NFE2L1: variants seen among roughly 807,000 people sequenced by gnomAD.
NFE2L1 encodes the protein endoplasmic reticulum membrane sensor NFE2L1.
A neutral mutation model predicts 61.6 loss-of-function variants in NFE2L1; 18 were observed. That is an observed-to-expected ratio of 0.29 (90% CI 0.20 to 0.43). NFE2L1 has a LOEUF of 0.43. Ranked by LOEUF, NFE2L1 falls within the 20% of genes least tolerant of loss-of-function variation. NFE2L1 has a pLI of 1.00. For synonymous variants in NFE2L1, 419 were observed against 402.7 expected (o/e 1.04, Z -0.48); for missense variants, 827 against 973.5 (o/e 0.85, Z 2.00).
Position 48,058,449 on chromosome 17 carries a change from T to C in NFE2L1, c.1127T>C (p.Leu376Ser). 1 of 1,614,136 alleles carries C rather than the reference T, an allele frequency of 6.2e-7. No homozygotes were observed. Among genetic ancestry groups the C allele is most frequent in the Non-Finnish European group, 8.5e-7 (1 of 1,180,006 alleles). ...CTGGGGGGCTGCAGCCAGGACTTCT[T>C]ACTCTTCAGCCCCGAGGTGGAAAGC... ...ASLGGCSQDFLLFSPEVESLP... is the reference protein window; with the variant it reads ...ASLGGCSQDFSLFSPEVESLP... The change falls in exon 6 of 6, where the codon TTA becomes TCA. Residue 376 changes from leucine to serine, a missense_variant. Transcript: ENST00000362042.
intron 5 of NFE2L1, among the ~76,000 whole-genome samples, chr17:48,057,937 G>A (rs761107698): frequency 3.9e-5 from 6 of 152,194 alleles, no homozygotes; most frequent in African/African-American, 9.7e-5. Context: ...TGTGCCCATC[G>A]TCACACAGCA....
At chr17:48,056,927 G>GGAA in intron 3 of NFE2L1, 105 bp from the exon 4 acceptor site, 1 of 1,156,194 alleles carries the variant, frequency 8.6e-7, no homozygotes, top group Non-Finnish European at 1.3e-6. Context: ...CATTAGCCTG[G>GGAA]GAATGGGAGG....
At chr17:48,053,446 C>T (rs2037306659) in intron 2 of NFE2L1, among the ~76,000 whole-genome samples, 2 of 152,168 alleles carry the variant, frequency 1.3e-5, no homozygotes, top group South Asian at 2.1e-4. Context: ...TACCCAGGTC[C>T]AGAGCATGTG....
intron 2 of NFE2L1, among the ~76,000 whole-genome samples, 169 bp downstream of exon 2, chr17:48,051,797 G>C (rs1460511464): frequency 6.6e-6 from 1 of 152,122 alleles, no homozygotes; most frequent in Non-Finnish European, 1.5e-5. Context: ...TTAGGATTGG[G>C]GGCTGGGAGC....
At chr17:48,054,512 A>T in intron 2 of NFE2L1, 2 of 878,958 alleles carry the variant, frequency 2.3e-6, no homozygotes, top group East Asian at 4.7e-5. Context: ...AGGTAACGAC[A>T]GTGGGAGGGG....
In NFE2L1 at chr17:48,048,407, C is replaced by G. The variant is rs2037146208; in HGVS notation, c.-568C>G. 6.6e-6 allele frequency: 1 copy of G among 152,480 alleles called. No individual in the cohort carries two copies. The highest frequency in any genetic ancestry group is 2.1e-4 in the South Asian group (1 of 4,876). The allele number at this position is 152,480 out of a possible 1,614,324, so 9.4% of individuals were successfully genotyped here. ...CCGGCCGGCGGTGGCGGCGGCGAGGCCGGGACTCGGGCTTAGGGCCTGCTG... is the reference window on the plus strand; with the variant it reads ...CCGGCCGGCGGTGGCGGCGGCGAGGGCGGGACTCGGGCTTAGGGCCTGCTG... On this transcript the variant is annotated 5_prime_UTR_variant, in exon 1 of 6. Coordinates refer to ENST00000362042, the MANE Select transcript of NFE2L1 (RefSeq NM_003204.3).
intron 5 of NFE2L1, 133 bp from the exon 6 acceptor site, chr17:48,058,162 A>G: frequency 7.7e-7 from 1 of 1,293,092 alleles, no homozygotes; most frequent in Non-Finnish European, 1.0e-6. Context: ...AGGAGCTGAC[A>G]CTGTGGGCTT....
In NFE2L1 at chr17:48,049,589, C is replaced by T. The variant is rs1389125332; in HGVS notation, c.-512-1018C>T. On this transcript the variant is annotated intron_variant, in intron 1 of 5. Coordinates refer to ENST00000362042, the MANE Select transcript of NFE2L1 (RefSeq NM_003204.3). The stretch of plus-strand genomic sequence containing the variant: ...TGTATTTTTAGTTGAGATGGGGTTT[C>T]TCCATGTTGTTCAGGCTGGTCTCAA... 4.6e-5 allele frequency among the ~76,000 whole-genome samples: 7 copies of T among 152,186 alleles called. No individual in the cohort carries two copies. In the East Asian group the frequency reaches 1.3e-3, roughly 29 times the overall value.
intron 2 of NFE2L1, among the ~76,000 whole-genome samples, chr17:48,052,442 G>A (rs1044241458): frequency 2.0e-5 from 3 of 152,128 alleles, no homozygotes; most frequent in Non-Finnish European, 4.4e-5. Flanking sequence ...TTAAGTAGCC[G>A]GGAAAGAGGC....
Position 48,059,507 on chromosome 17 carries a change from A to C in NFE2L1, c.2185A>C (p.Asn729His). The change falls in exon 6 of 6, where the codon AAC (asparagine) becomes CAC (histidine). Residue 729 changes from asparagine to histidine, a missense_variant. Asn to His is a moderately conservative substitution (Grantham distance 68, BLOSUM62 1). Transcript: ENST00000362042. This position sits in a 1 kb window ranked among gnomAD's most constrained non-coding sequence, Gnocchi z 6.1. ...QEVFGRLRDE[N>H]GRPYSPSQYA... ...GGTGTTTGGGCGGCTGCGAGATGAG[A>C]ACGGACGACCCTACTCGCCCAGTCA... The C allele has an allele frequency of 6.2e-7, 1 of 1,613,872 alleles. No individual in the cohort carries two copies. Among genetic ancestry groups the C allele is most frequent in the Non-Finnish European group, 8.5e-7 (1 of 1,179,898 alleles).
intron 2 of NFE2L1, among the ~76,000 whole-genome samples, chr17:48,053,800 A>G (rs115571161): frequency 1.7e-3 from 252 of 152,286 alleles, no homozygotes; most frequent in African/African-American, 5.9e-3. Flanking sequence ...GATATGGGCC[A>G]GGAATCAGGC....
rs770712300 is a variant in NFE2L1, at chr17:48,059,414, C to T, written c.2092C>T (p.Arg698Trp). 1.9e-6 allele frequency: 3 copies of T among 1,614,148 alleles called. No homozygotes were observed. Among genetic ancestry groups the T allele is most frequent in the Non-Finnish European group, 2.5e-6 (3 of 1,180,026 alleles). ...GCAGCGTGACAAAGCCCGGCTGCTGCGGGAGAAAGTGGAGTTCCTGCGCTC... is the reference window on the plus strand; with the variant it reads ...GCAGCGTGACAAAGCCCGGCTGCTGTGGGAGAAAGTGGAGTTCCTGCGCTC... ...DLQRDKARLL[R>W]EKVEFLRSLR... Residue 698 changes from arginine to tryptophan, a missense_variant, in exon 6 of 6, where the codon CGG (arginine) becomes TGG (tryptophan). Around this residue, in one of 3 missense-constraint regions of NFE2L1, gnomAD observed 74 missense variants for 127.8 expected, o/e 0.58. Coordinates refer to ENST00000362042, the MANE Select transcript of NFE2L1 (RefSeq NM_003204.3). This position sits in a 1 kb window ranked among gnomAD's most constrained non-coding sequence, Gnocchi z 6.1.
intron 1 of NFE2L1, chr17:48,049,263 C>T (rs1297208176): frequency 3.3e-5 from 5 of 152,278 alleles, no homozygotes; most frequent in South Asian, 4.1e-4. Flanking sequence ...GTGGCCATAT[C>T]CTTCTGCTTT....
In NFE2L1 at chr17:48,051,499, C is replaced by T. The variant is rs2037249690; in HGVS notation, c.381C>T (p.Ser127=). Residue 127 remains serine (S), a synonymous_variant, in exon 2 of 6, where the codon TCC becomes TCT. Transcript: ENST00000362042. ...QPNSGLALES[S]SGLQDVTGPD... ...ACTCAGGCCTCGCCCTCGAGAGTTC[C>T]AGTGGCCTCCAAGATGTGACAGGCC... 1 of 1,614,100 alleles carries T rather than the reference C, an allele frequency of 6.2e-7. No individual in the cohort carries two copies. The highest frequency in any genetic ancestry group is 8.5e-7 in the Non-Finnish European group (1 of 1,180,028).
intron 2 of NFE2L1, chr17:48,054,668 G>T: frequency 7.9e-7 from 1 of 1,266,084 alleles, no homozygotes; most frequent in Non-Finnish European, 9.9e-7. Context: ...TGGGGGGGAG[G>T]AGCGGGAGGA....
At chr17:48,057,009 A>T (rs1567754523) in intron 3 of NFE2L1, 23 bp from the exon 4 acceptor site, 7 of 1,613,322 alleles carry the variant, frequency 4.3e-6, no homozygotes, top group Non-Finnish European at 5.1e-6. Context: ...GGTCAATCAG[A>T]CTTACAGTTC....
In NFE2L1 at chr17:48,060,770, T is replaced by G. The variant is rs2037532542; in HGVS notation, c.*1129T>G. The G allele has an allele frequency of 6.6e-6, 1 of 152,642 alleles. No homozygotes were observed. Among genetic ancestry groups the G allele is most frequent in the African/African-American group, 2.4e-5 (1 of 41,436 alleles). 9.5% of individuals were successfully genotyped at this position (152,642 alleles called of 1,614,324 possible). ...CTTATCACTGGGAAAACACAAAAAA[T>G]TACACAACCCAGCAACAACAAAAGA... On this transcript the variant is annotated 3_prime_UTR_variant, in exon 6 of 6. Coordinates refer to ENST00000362042, the MANE Select transcript of NFE2L1 (RefSeq NM_003204.3).
chr17:48,051,951 G>A (rs1285294469), intron 2 of NFE2L1, among the ~76,000 whole-genome samples: 2 of 152,058 alleles, frequency 1.3e-5, no homozygotes, highest in African/African-American at 2.4e-5. Flanking sequence ...TGTTGTGATG[G>A]GCTTTGATGC....
intron 1 of NFE2L1, among the ~76,000 whole-genome samples, chr17:48,049,757 ATTC>A (rs1396692036): frequency 6.6e-6 from 1 of 152,210 alleles, no homozygotes; most frequent in African/African-American, 2.4e-5. Flanking sequence ...AACAAAAGGC[ATTC>A]TTCTTCTGGG....
Sources: allele counts gnomAD v4.1 joint callset (sites outside exome capture counted in the v4.1 genomes callset), GRCh38; gene constraint gnomAD v4.1.1; regional missense constraint gnomAD v4.1.1; non-coding constraint Gnocchi (gnomAD v3.1); transcripts MANE v1.5; gene names NCBI Gene and HGNC (gene_info 2026-07-23, HGNC 2026-07-21).